The following FMN2 variants were observed in gnomAD, a reference collection of about 807,000 sequenced individuals.
FMN2 encodes the protein formin 2.
In FMN2, 51 loss-of-function variants were observed where a neutral mutation model predicts 142.3. The observed-to-expected ratio is 0.36, with a 90% CI of 0.29 to 0.45. FMN2 has a LOEUF of 0.45. Ranked by LOEUF, FMN2 falls within the 20% of genes least tolerant of loss-of-function variation. FMN2 has a pLI of 1.00. For missense variants in FMN2, 1,936 were observed against 2,122.8 expected, an observed-to-expected ratio of 0.91 and a Z score of 1.73; for synonymous variants, 882 against 869.8, an observed-to-expected ratio of 1.01 and a Z score of -0.25.
chr1:240,293,066 G>A (rs1669847637), intron 7 of FMN2, among the ~76,000 whole-genome samples: 1 of 152,060 alleles, frequency 6.6e-6, no homozygotes. Context: ...CACATAACAT[G>A]TATTAAGATA....
chr1:240,114,697 C>T (rs1478471688), intron 1 of FMN2, among the ~76,000 whole-genome samples: 6 of 141,806 alleles, frequency 4.2e-5, no homozygotes, highest in Admixed American at 1.5e-4. Flanking sequence ...CACACTCTGT[C>T]GCCAGACTGG....
chr1:240,297,685 C>T (rs1211686741), intron 8 of FMN2, among the ~76,000 whole-genome samples: 2 of 151,666 alleles, frequency 1.3e-5, no homozygotes, highest in African/African-American at 4.8e-5. Context: ...ATTTATGACT[C>T]AGGACAAACT....
chr1:240,303,597 A>C (rs1240232909), intron 8 of FMN2, among the ~76,000 whole-genome samples: 1 of 151,954 alleles, frequency 6.6e-6, no homozygotes, highest in East Asian at 1.9e-4. Flanking sequence ...TCTCTCTTTG[A>C]CTTTGTCTTT....
rs770488060 is a variant in FMN2, at chr1:240,093,480, T to C, written c.1371T>C (p.Thr457=). ...CCTCCCTGAGCCGAGGGTCCAGAAC[T>C]GCCCTGGCCTCCGTAGCCGCCCCGG... The part of the protein sequence containing the change: ...PEPSLSRGSR[T]ALASVAAPAK... Residue 457 remains threonine, a synonymous_variant, in exon 1 of 18, where the codon ACT becomes ACC. Coordinates refer to ENST00000319653, the MANE Select transcript of FMN2 (RefSeq NM_020066.5). 1 of 1,604,946 alleles carries C rather than the reference T, an allele frequency of 6.2e-7. No homozygotes were observed. Among genetic ancestry groups the C allele is most frequent in the Non-Finnish European group, 8.5e-7 (1 of 1,176,660 alleles).
chr1:240,439,859 A>G (rs1675549241), intron 16 of FMN2, among the ~76,000 whole-genome samples: 1 of 152,112 alleles, frequency 6.6e-6, no homozygotes, highest in Admixed American at 6.6e-5. Flanking sequence ...GTCACACAGA[A>G]CTTCCCTTCA....
intron 7 of FMN2, among the ~76,000 whole-genome samples, chr1:240,279,092 A>C (rs1669312348): frequency 6.6e-6 from 1 of 152,196 alleles, no homozygotes; most frequent in African/African-American, 2.4e-5. Flanking sequence ...TGGACACGTC[A>C]GTGCTGAAAA....
intron 1 of FMN2, among the ~76,000 whole-genome samples, chr1:240,116,518 A>T (rs1662029059): frequency 6.6e-6 from 1 of 151,236 alleles, no homozygotes; most frequent in African/African-American, 2.4e-5. Flanking sequence ...GAATATCATG[A>T]GCTGAGAGTA....
chr1:240,260,788 T>C (rs560625400), intron 7 of FMN2, among the ~76,000 whole-genome samples: 4 of 152,356 alleles, frequency 2.6e-5, no homozygotes, highest in African/African-American at 9.6e-5. Flanking sequence ...TTTGTTTTCG[T>C]AGCATTTGCT....
chr1:240,452,035 C>T (rs537174364), intron 16 of FMN2, among the ~76,000 whole-genome samples: 1 of 151,934 alleles, frequency 6.6e-6, no homozygotes, highest in South Asian at 2.1e-4. Context: ...ACTAAAAATA[C>T]AAAAAATTAG....
intron 8 of FMN2, among the ~76,000 whole-genome samples, chr1:240,324,841 G>A (rs1158146724): frequency 1.3e-5 from 2 of 152,124 alleles, no homozygotes; most frequent in African/African-American, 4.8e-5. Context: ...CGTTATAGTT[G>A]TGGGGGTATT....
At chr1:240,228,303 C>CAAAAAAAAA (rs577421634) in intron 6 of FMN2, among the ~76,000 whole-genome samples, 62 of 47,736 alleles carry the variant, frequency 1.3e-3, no homozygotes, top group Non-Finnish European at 1.6e-3. Flanking sequence ...AACTCTGTCT[C>CAAAAAAAAA]AAAAAAAAAA....
At chr1:240,357,610 G>GTTT (rs11293253) in intron 14 of FMN2, among the ~76,000 whole-genome samples, 2 of 138,398 alleles carry the variant, frequency 1.4e-5, no homozygotes, top group African/African-American at 2.7e-5. Context: ...AACCTTACGG[G>GTTT]TTTTTTTTTT....
intron 8 of FMN2, among the ~76,000 whole-genome samples, chr1:240,295,193 C>T (rs973730610): frequency 2.2e-5 from 1 of 45,102 alleles, no homozygotes; most frequent in African/African-American, 9.7e-5. Context: ...ACTTCATACA[C>T]ACACACACAC....
intron 6 of FMN2, among the ~76,000 whole-genome samples, chr1:240,244,604 C>G (rs1448993545): frequency 6.6e-6 from 1 of 152,198 alleles, no homozygotes; most frequent in Non-Finnish European, 1.5e-5. Context: ...AAGATATTAT[C>G]TTGCAGTTCT....
intron 1 of FMN2, among the ~76,000 whole-genome samples, chr1:240,115,918 T>G (rs1571941666): frequency 6.6e-6 from 1 of 152,310 alleles, no homozygotes; most frequent in East Asian, 1.9e-4. Context: ...GTGAGTTTTT[T>G]TGGAAAATGA....
chr1:240,458,236 T>C (rs1392379533), intron 16 of FMN2: 1 of 152,218 alleles, frequency 6.6e-6, no homozygotes, highest in Non-Finnish European at 1.5e-5. Flanking sequence ...TTGTGAACTT[T>C]GTTCTCTCTT....
chr1:240,121,543 T>G (rs980961490), intron 1 of FMN2, among the ~76,000 whole-genome samples: 7 of 149,600 alleles, frequency 4.7e-5, no homozygotes, highest in Admixed American at 3.3e-4. Context: ...GCCTGGCTAA[T>G]TTTTTTTGTT....
intron 6 of FMN2, among the ~76,000 whole-genome samples, chr1:240,218,742 C>G (rs866483151): frequency 5.3e-5 from 8 of 152,074 alleles, no homozygotes; most frequent in Non-Finnish European, 1.2e-4. Context: ...ACAGTTGATC[C>G]ATTTCAGCAG....
intron 2 of FMN2, among the ~76,000 whole-genome samples, chr1:240,164,852 T>C (rs1664414652): frequency 2.0e-5 from 3 of 152,198 alleles, no homozygotes; most frequent in Admixed American, 6.5e-5. Context: ...TTTTATGTTT[T>C]CAGGAATGAT....
Sources: gnomAD v4.1 joint callset for allele counts (sites outside exome capture counted in the v4.1 genomes callset) on GRCh38, gnomAD v4.1.1 for gene constraint, MANE v1.5 for transcripts, NCBI Gene and HGNC (gene_info 2026-07-23, HGNC 2026-07-21) for gene names.